CLASP1: variants seen among roughly 807,000 people sequenced by gnomAD.
CLASP1 encodes CLIP-associating protein 1.
In CLASP1, 38 loss-of-function variants were observed where a neutral mutation model predicts 192.3. That is an observed-to-expected ratio of 0.20 (90% confidence interval 0.15 to 0.26). The LOEUF (loss-of-function observed/expected upper bound fraction) is 0.26, where lower values mean the gene tolerates loss of function less well. Among genes scored for constraint, CLASP1 ranks in the 10% least tolerant of loss-of-function variants. CLASP1 has a pLI of 1.00. For synonymous variants in CLASP1, 691 were observed against 712.8 expected (o/e 0.97, Z 0.49); for missense variants, 1,433 against 1,932.5 (o/e 0.74, Z 4.85).
intron 2 of CLASP1, chr2:121,531,132 C>A (rs939411488): frequency 4.7e-5 from 29 of 620,008 alleles, no homozygotes; most frequent in African/African-American, 9.1e-5. Context: ...AAGTAAAGTT[C>A]TTTCAGTTTT....
At chr2:121,502,293 G>A (rs552398564) in intron 8 of CLASP1, among the ~76,000 whole-genome samples, 65 of 152,242 alleles carry the variant, frequency 4.3e-4, no homozygotes, top group Non-Finnish European at 8.8e-4. Context: ...ACAATAAAGG[G>A]AATAAAGTAA....
intron 1 of CLASP1, among the ~76,000 whole-genome samples, chr2:121,621,148 G>T (rs981519724): frequency 1.3e-5 from 2 of 152,066 alleles, no homozygotes; most frequent in African/African-American, 4.8e-5. Context: ...AGCCCAGCAG[G>T]AAGTCAAGGC....
intron 26 of CLASP1, 112 bp downstream of exon 27, chr2:121,404,259 G>T: frequency 6.7e-7 from 1 of 1,487,898 alleles, no homozygotes; most frequent in Non-Finnish European, 9.0e-7. Flanking sequence ...GTGTGACTCT[G>T]TAAGGTCGGA....
intron 2 of CLASP1, among the ~76,000 whole-genome samples, chr2:121,587,067 CCT>C (rs1273820951): frequency 3.3e-5 from 5 of 151,988 alleles, no homozygotes; most frequent in African/African-American, 9.7e-5. Flanking sequence ...ATGGTGAAAC[CCT>C]GTCTCAACTA....
chr2:121,528,010 A>C (rs2094621253), intron 4 of CLASP1, 120 bp from the exon 5 acceptor site: 2 of 669,246 alleles, frequency 3.0e-6, no homozygotes, highest in Admixed American at 2.7e-5. Flanking sequence ...CTCTACCAAC[A>C]CATTTAATCC....
At chr2:121,441,405 T>G (rs1235549046) in intron 19 of CLASP1, among the ~76,000 whole-genome samples, 3 of 152,164 alleles carry the variant, frequency 2.0e-5, no homozygotes, top group Admixed American at 6.5e-5. Flanking sequence ...TTTCTACATT[T>G]TGCTACCTAC....
chr2:121,347,028 C>T lies in CLASP1; in HGVS notation c.4530+10G>A, dbSNP rs746780728. On this transcript the variant is annotated intron_variant, in intron 39 of 39. Transcript: ENST00000263710. ...GGTGTGCGTATCAGCCCAGGTAACA[C>T]TATACATACCTTGCTCCCTGTGAGC... The T allele has an allele frequency of 1.3e-6, 2 of 1,530,404 alleles. No homozygotes were observed. Among genetic ancestry groups the T allele is most frequent in the Non-Finnish European group, 1.8e-6 (2 of 1,126,058 alleles). The allele number at this position is 1,530,404 out of a possible 1,614,324, so 94.8% of individuals were successfully genotyped here. A position where few individuals can be genotyped will look rare whatever the true frequency, so the allele number is the denominator to read the frequency against.
chr2:121,588,881 G>A (rs995393959), intron 2 of CLASP1, among the ~76,000 whole-genome samples: 9 of 152,194 alleles, frequency 5.9e-5, no homozygotes, highest in African/African-American at 2.2e-4. Flanking sequence ...TTACATGAGT[G>A]GGAGCGACCA....
intron 2 of CLASP1, among the ~76,000 whole-genome samples, chr2:121,550,685 A>C (rs774415957): frequency 3.9e-5 from 6 of 152,216 alleles, no homozygotes; most frequent in Non-Finnish European, 7.3e-5. Flanking sequence ...CCTAAGACTG[A>C]GCCAGGAAGA....
exon 29 of CLASP1, chr2:121,398,387 A>G (rs992366098): frequency 1.3e-5 from 21 of 1,591,180 alleles, no homozygotes; most frequent in South Asian, 8.0e-5. Flanking sequence ...TGTTGATCAA[A>G]TGGAAAGGAG....
chr2:121,398,083 TATG>T (rs1000624594), intron 29 of CLASP1, among the ~76,000 whole-genome samples: 9 of 152,322 alleles, frequency 5.9e-5, no homozygotes, highest in African/African-American at 2.2e-4. Flanking sequence ...AGGAATACAA[TATG>T]GTATAACCAT....
rs191526591 is a variant in CLASP1 at position 121,633,512 on chromosome 2, T to C, written c.-286+15860A>G. Among the ~76,000 whole-genome samples, 422 of 152,336 alleles carry C rather than the reference T, an allele frequency of 2.8e-3. 1 individual carries two copies. The highest frequency in any genetic ancestry group is 5.9e-3 in the Admixed American group (91 of 15,304). On this transcript the variant is annotated intron_variant, in intron 1 of 39. Transcript: ENST00000263710. ...TAAGGATATGAAAATACAAGAGTCCTGATTTCATCAACATCTAGGACTCCC... is the reference window on the plus strand; with the variant it reads ...TAAGGATATGAAAATACAAGAGTCCCGATTTCATCAACATCTAGGACTCCC...
At chr2:121,622,486 T>C (rs1189911228) in intron 1 of CLASP1, among the ~76,000 whole-genome samples, 1 of 151,782 alleles carries the variant, frequency 6.6e-6, no homozygotes, top group Non-Finnish European at 1.5e-5. Flanking sequence ...GAAGGATCAC[T>C]TGAGCCCAGG....
intron 2 of CLASP1, among the ~76,000 whole-genome samples, chr2:121,600,627 A>G (rs1305616057): frequency 6.6e-6 from 1 of 152,258 alleles, no homozygotes; most frequent in Non-Finnish European, 1.5e-5. Flanking sequence ...AGAACTCTGT[A>G]TATTTGCATT....
chr2:121,497,411 T>C (rs2093577200), intron 8 of CLASP1, among the ~76,000 whole-genome samples: 1 of 152,230 alleles, frequency 6.6e-6, no homozygotes, highest in African/African-American at 2.4e-5. Flanking sequence ...AATTTGGTTT[T>C]AGATACATGT....
Position 121,530,972 on chromosome 2 carries a change from G to A in CLASP1, c.196-647C>T, listed in dbSNP as rs367638364. The A allele has an allele frequency of 1.4e-3, 983 of 700,364 alleles. 17 individuals carry two copies. The highest frequency in any genetic ancestry group is 0.012 in the South Asian group (805 of 67,498). The allele number at this position is 700,364 out of a possible 1,614,324, so 43.4% of individuals were successfully genotyped here. ...CTGAACAACACACCCGCATCAACTA[G>A]AGCTTTTGCTTTATTTTGGTGCAAT... On this transcript the variant is annotated intron_variant, in intron 2 of 39. Transcript: ENST00000263710.
At chr2:121,517,575 C>G (rs962232186) in intron 6 of CLASP1, among the ~76,000 whole-genome samples, 1 of 152,158 alleles carries the variant, frequency 6.6e-6, no homozygotes, top group Non-Finnish European at 1.5e-5. Context: ...CAATTAAGGG[C>G]CGAGCATGGT....
chr2:121,435,529 C>T (rs1462597861), intron 19 of CLASP1, among the ~76,000 whole-genome samples: 2 of 152,218 alleles, frequency 1.3e-5, no homozygotes, highest in African/African-American at 4.8e-5. Flanking sequence ...CCGCCTCAGC[C>T]TCCCAAAGTG....
At chr2:121,573,836 TA>T (rs186022050) in intron 2 of CLASP1, among the ~76,000 whole-genome samples, 2 of 152,070 alleles carry the variant, frequency 1.3e-5, no homozygotes, top group East Asian at 1.9e-4. Context: ...GAAGGTAGCC[TA>T]AAAAAACAAA....
Sources: gnomAD v4.1 joint callset for allele counts (sites outside exome capture counted in the v4.1 genomes callset) on GRCh38, gnomAD v4.1.1 for gene constraint, MANE v1.5 for transcripts, NCBI Gene and HGNC (gene_info 2026-07-23, HGNC 2026-07-21) for gene names.